The following DENR variants were observed in gnomAD, a reference collection of about 807,000 sequenced individuals.
The protein encoded by DENR is density regulated re-initiation and release factor, also known as density-regulated protein.
Under a neutral mutation model 30.6 loss-of-function variants are expected in DENR, and 6 were observed. The observed-to-expected ratio is 0.20, with a 90% confidence interval of 0.11 to 0.39. DENR has a LOEUF of 0.39. Among genes scored for constraint, DENR ranks in the 10% least tolerant of loss-of-function variants. The pLI is 1.00. For missense variants in DENR, 141 were observed against 230.9 expected (o/e 0.61, Z 2.52); for synonymous variants, 78 against 72.1 (o/e 1.08, Z -0.41).
chr12:122,762,318 C>T (rs1214049615), intron 3 of DENR, 112 bp downstream of exon 3: 3 of 750,088 alleles, frequency 4.0e-6, no homozygotes, highest in East Asian at 2.9e-5. Flanking sequence ...GATAGTAAAG[C>T]TTTAACCTTT....
chr12:122,759,183 A>G (rs1312063791), intron 2 of DENR, among the ~76,000 whole-genome samples: 3 of 152,168 alleles, frequency 2.0e-5, no homozygotes, highest in Admixed American at 2.0e-4. Context: ...GATTTTGGCA[A>G]GAAAGTTTCG....
chr12:122,758,033 CTGAT>C (rs1467286904), intron 2 of DENR, among the ~76,000 whole-genome samples: 1 of 152,122 alleles, frequency 6.6e-6, no homozygotes, highest in Non-Finnish European at 1.5e-5. Flanking sequence ...TTTCAGGAAG[CTGAT>C]TGTGGCTGTT....
rs1293418978 is a variant in DENR at position 122,757,912 on chromosome 12, CAAATT to C, written c.106+4106_106+4110del. Among the ~76,000 whole-genome samples the C allele has an allele frequency of 7.2e-5, 11 of 152,212 alleles. No homozygotes were observed. In the East Asian group the frequency reaches 2.1e-3, roughly 29 times the overall value. On this transcript the variant is annotated intron_variant, in intron 2 of 7. Transcript: ENST00000280557. ...TTTTAATCTTTTCCACCCTCCTCCC[CAAATT>C]TAGAAGACTTTAAAGTATGAGATGA...
chr12:122,753,642 TG>T lies in DENR; in HGVS notation c.-9-47del, dbSNP rs548355884. ...TCTGTTGAGAGGAACACTGCTCTTCTGGGGTCTTGATTCTAAAATAGTGAGG... is the reference window on the plus strand; with the variant it reads ...TCTGTTGAGAGGAACACTGCTCTTCTGGGTCTTGATTCTAAAATAGTGAGG... On this transcript the variant is annotated intron_variant, in intron 1 of 7. Transcript: ENST00000280557. The T allele has an allele frequency of 3.5e-4, 500 of 1,416,112 alleles. 1 individual carries two copies. The African/African-American group carries it at 6.2e-3, about 18-fold the overall frequency. 87.7% of individuals were successfully genotyped at this position (1,416,112 alleles called of 1,614,324 possible).
chr12:122,754,972 AC>A (rs1282535703), intron 2 of DENR, among the ~76,000 whole-genome samples: 1 of 152,256 alleles, frequency 6.6e-6, no homozygotes, highest in Non-Finnish European at 1.5e-5. Context: ...AAACCAGAAC[AC>A]CACTAAAAAT....
At chr12:122,765,275 A>G (rs201961274) in intron 4 of DENR, 29 bp from the exon 5 acceptor site, 4 of 1,525,948 alleles carry the variant, frequency 2.6e-6, no homozygotes, top group Middle Eastern at 1.7e-4. Context: ...GATGATGTTC[A>G]TGCTTTTGTA....
At chr12:122,765,128 G>T (rs745748483) in intron 4 of DENR, among the ~76,000 whole-genome samples, 176 bp from the exon 5 acceptor site, 4 of 152,162 alleles carry the variant, frequency 2.6e-5, no homozygotes, top group Non-Finnish European at 5.9e-5. Flanking sequence ...TTACTATAAT[G>T]ACTTTAGAAC....
Position 122,753,686 on chromosome 12 carries a change from C to A in DENR, c.-9-7C>A, listed in dbSNP as rs1263493259. ...TAGTGAGGGTGTGTTATTTTCCTTGCTTACAGGTTTGTGAAATGGCTGCTG... is the reference window on the plus strand; with the variant it reads ...TAGTGAGGGTGTGTTATTTTCCTTGATTACAGGTTTGTGAAATGGCTGCTG... On this transcript the variant is annotated splice_polypyrimidine_tract_variant and splice_region_variant and intron_variant, in intron 1 of 7. Coordinates refer to ENST00000280557, the MANE Select transcript of DENR (RefSeq NM_003677.5). The A allele has an allele frequency of 6.2e-7, 1 of 1,609,486 alleles. No individual in the cohort carries two copies. The highest frequency in any genetic ancestry group is 1.7e-5 in the Admixed American group (1 of 59,964).
At chr12:122,756,174 C>T (rs1476745499) in intron 2 of DENR, among the ~76,000 whole-genome samples, 2 of 152,060 alleles carry the variant, frequency 1.3e-5, no homozygotes, top group Admixed American at 6.6e-5. Context: ...ATAGGCCAGG[C>T]GCGGTGGCTC....
In DENR at chr12:122,765,374, A is replaced by C; in HGVS notation, c.282A>C (p.Lys94Asn). The change falls in exon 5 of 8, where the codon AAA (lysine) becomes AAC (asparagine). Residue 94 changes from lysine (K) to asparagine (N), a missense_variant. Lys to Asn is a moderately conservative substitution (Grantham distance 94). This residue lies in a region of DENR where 104 missense variants were observed against 138.3 expected (regional missense o/e 0.75). Coordinates refer to ENST00000280557, the MANE Select transcript of DENR (RefSeq NM_003677.5). ...CAGCAGGGGAAGAAGAGGAGAAGAA[A>C]AAACAGAAGAGAGGTAAGACCTAAA... ...QGTAGEEEEKKKQKRGGRGQI... is the reference protein window; with the variant it reads ...QGTAGEEEEKNKQKRGGRGQI... 1 of 1,551,764 alleles carries C rather than the reference A, an allele frequency of 6.4e-7. No individual in the cohort carries two copies. The highest frequency in any genetic ancestry group is 8.7e-7 in the Non-Finnish European group (1 of 1,146,896).
intron 5 of DENR, 56 bp downstream of exon 5, chr12:122,765,443 A>T: frequency 7.0e-7 from 1 of 1,433,586 alleles, no homozygotes; most frequent in Non-Finnish European, 9.5e-7. Flanking sequence ...TGCGATAGAA[A>T]ATGTAAGTAA....
intron 4 of DENR, among the ~76,000 whole-genome samples, chr12:122,764,977 C>T (rs2135511897): frequency 6.6e-6 from 1 of 152,340 alleles, no homozygotes; most frequent in East Asian, 1.9e-4. Context: ...GGGAGCTCTT[C>T]TCTAGATGTT....
intron 2 of DENR, among the ~76,000 whole-genome samples, chr12:122,758,896 G>T (rs1878623363): frequency 6.6e-6 from 1 of 150,566 alleles, no homozygotes; most frequent in Non-Finnish European, 1.5e-5. Context: ...GCCCAGGCTG[G>T]AGTGCAGTGG....
intron 2 of DENR, among the ~76,000 whole-genome samples, chr12:122,759,686 A>G (rs1012126788): frequency 6.6e-6 from 1 of 151,794 alleles, no homozygotes; most frequent in Non-Finnish European, 1.5e-5. Flanking sequence ...GTGCCATTGC[A>G]CTCCAGCCTG....
chr12:122,765,760 A>G (rs1371979483), intron 5 of DENR, among the ~76,000 whole-genome samples: 1 of 152,174 alleles, frequency 6.6e-6, no homozygotes, highest in African/African-American at 2.4e-5. Flanking sequence ...GTGTCAGTAA[A>G]TTGGACCTAG....
intron 2 of DENR, among the ~76,000 whole-genome samples, chr12:122,757,769 G>A (rs911306654): frequency 9.2e-5 from 14 of 152,188 alleles, no homozygotes; most frequent in Non-Finnish European, 5.9e-5. Flanking sequence ...TTCTTAATCT[G>A]GGAAGTGATG....
intron 1 of DENR, 75 bp from the exon 2 acceptor site, chr12:122,753,618 C>CTGTTGAGAGGAACA (rs1878472443): frequency 8.6e-7 from 1 of 1,158,780 alleles, no homozygotes; most frequent in Admixed American, 2.0e-5. Flanking sequence ...GGGGAGGTTT[C>CTGTTGAGAGGAACA]TGTTGAGAGG....
In DENR at chr12:122,769,678, T is replaced by G; in HGVS notation, c.*600T>G. 6.0e-6 allele frequency: 1 copy of G among 168,006 alleles called. No homozygotes were observed. The highest frequency in any genetic ancestry group is 1.2e-4 in the South Asian group (1 of 8,220). The allele number at this position is 168,006 out of a possible 1,614,324, so 10.4% of individuals were successfully genotyped here. A position where few individuals can be genotyped will look rare whatever the true frequency, so the allele number is the denominator to read the frequency against. ...CCCGCCACCACGCCCAGCTAATTTT[T>G]GTATTTTTAGTAGAGATGGGGTTTC... is the stretch of plus-strand genomic sequence containing the variant. On this transcript the variant is annotated 3_prime_UTR_variant, in exon 8 of 8. Transcript: ENST00000280557.
intron 4 of DENR, 92 bp downstream of exon 4, chr12:122,763,021 T>C: frequency 1.4e-6 from 1 of 719,228 alleles, no homozygotes. Flanking sequence ...CCTCCTTTAG[T>C]AGGATATTAC....
Sources: allele counts gnomAD v4.1 joint callset (sites outside exome capture counted in the v4.1 genomes callset), GRCh38; gene constraint gnomAD v4.1.1; regional missense constraint gnomAD v4.1.1; transcripts MANE v1.5; gene names NCBI Gene and HGNC (gene_info 2026-07-23, HGNC 2026-07-21).